CDH12: variants seen among roughly 807,000 people sequenced by gnomAD.
CDH12 encodes cadherin-12.
Under a neutral mutation model 74.1 loss-of-function variants are expected in CDH12, and 41 were observed. The ratio of observed to expected loss-of-function variants is 0.55; its 90% CI spans 0.43 to 0.72. CDH12 has a LOEUF of 0.72. Ranked by LOEUF, CDH12 falls within the 30% of genes least tolerant of loss-of-function variation. The probability of loss-of-function intolerance (pLI) is 0.00; values close to 1 mark genes in which losing one functional copy is unlikely to be tolerated. For missense variants in CDH12, 945 were observed against 977.2 expected (o/e 0.97, Z 0.44); for synonymous variants, 399 against 355.0 (o/e 1.12, Z -1.39).
chr5:21,929,123 T>C (rs1355483352), intron 6 of CDH12, among the ~76,000 whole-genome samples: 2 of 152,006 alleles, frequency 1.3e-5, no homozygotes, highest in East Asian at 1.9e-4. Context: ...AATTGGGCTG[T>C]AGGAATGTAC....
chr5:22,846,347 A>G lies in CDH12; in HGVS notation c.-523+6711T>C, dbSNP rs191486155. On this transcript the variant is annotated intron_variant, in intron 1 of 14. Transcript: ENST00000382254. The stretch of plus-strand genomic sequence containing the variant: ...GAAGTAAAGGCATAGATTTGGAAAA[A>G]GCATCCAGATGGCATTTAAACCCAT... Among the ~76,000 whole-genome samples the G allele has an allele frequency of 2.0e-5, 3 of 152,284 alleles. No individual in the cohort carries two copies. In the East Asian group the frequency reaches 5.8e-4, roughly 29 times the overall value.
At chr5:21,949,887 AAAG>A (rs1183069232) in intron 6 of CDH12, among the ~76,000 whole-genome samples, 3 of 152,210 alleles carry the variant, frequency 2.0e-5, no homozygotes, top group Non-Finnish European at 4.4e-5. Context: ...ATTTTGAAAG[AAAG>A]AAGTTTTTTT....
chr5:21,788,617 C>G (rs912651444), intron 10 of CDH12, among the ~76,000 whole-genome samples: 3 of 151,984 alleles, frequency 2.0e-5, no homozygotes, highest in South Asian at 2.1e-4. Flanking sequence ...TAAAATATTT[C>G]AGATGTATAA....
At chr5:22,461,266 C>G (rs2136217) in intron 2 of CDH12, among the ~76,000 whole-genome samples, 73,977 of 151,422 alleles carry the variant, frequency 0.49, 18,465 homozygotes, top group Admixed American at 0.65. Flanking sequence ...GACCTCAAGT[C>G]ATTCACCTGC....
At chr5:21,984,232 G>C (rs1757424566) in intron 5 of CDH12, among the ~76,000 whole-genome samples, 1 of 152,022 alleles carries the variant, frequency 6.6e-6, no homozygotes, top group Non-Finnish European at 1.5e-5. Context: ...TTCGGTTGGG[G>C]GTGTTCTAAG....
chr5:22,830,384 C>A (rs1386195627), intron 1 of CDH12, among the ~76,000 whole-genome samples: 1 of 151,922 alleles, frequency 6.6e-6, no homozygotes, highest in East Asian at 1.9e-4. Context: ...AATTTCATTA[C>A]AGCATAGTTC....
intron 1 of CDH12, among the ~76,000 whole-genome samples, chr5:22,587,166 C>A (rs866649366): frequency 3.3e-5 from 5 of 151,932 alleles, no homozygotes; most frequent in Middle Eastern, 3.4e-3. Flanking sequence ...GTAATTAGAT[C>A]GTGAGGGCTC....
In CDH12 at chr5:22,665,593, C is replaced by A. The variant is rs1740573160; in HGVS notation, c.-522-160229G>T. ...TAAACCTTCCTCATCTTAGTAAAAA[C>A]TTTCTTATATTCTTATTGAATATCT... is the stretch of plus-strand genomic sequence containing the variant. On this transcript the variant is annotated intron_variant, in intron 1 of 14. Transcript: ENST00000382254. Among the ~76,000 whole-genome samples, 4 of 152,262 alleles carry A rather than the reference C, an allele frequency of 2.6e-5. No homozygotes were observed. In the South Asian group the frequency reaches 8.3e-4, roughly 32 times the overall value.
intron 1 of CDH12, among the ~76,000 whole-genome samples, chr5:22,642,097 T>C (rs376152085): frequency 5.3e-5 from 8 of 152,324 alleles, no homozygotes; most frequent in African/African-American, 1.9e-4. Context: ...GGAATATACA[T>C]CAGTAATAGA....
intron 1 of CDH12, among the ~76,000 whole-genome samples, chr5:22,782,352 G>T (rs1251196076): frequency 1.3e-5 from 2 of 152,094 alleles, no homozygotes; most frequent in Admixed American, 1.3e-4. Flanking sequence ...TCATGGGGGT[G>T]GTTTCCCCCG....
chr5:22,025,473 A>G (rs1455490961), intron 5 of CDH12, among the ~76,000 whole-genome samples: 1 of 152,192 alleles, frequency 6.6e-6, no homozygotes, highest in Non-Finnish European at 1.5e-5. Flanking sequence ...AATTCCTAAA[A>G]AAATGCTAAT....
chr5:21,845,715 C>T (rs1451354300), intron 7 of CDH12, among the ~76,000 whole-genome samples: 1 of 152,048 alleles, frequency 6.6e-6, no homozygotes, highest in Non-Finnish European at 1.5e-5. Context: ...CAGAAAGCCA[C>T]TTTAGGACAG....
At chr5:22,411,826 T>G (rs561865025) in intron 2 of CDH12, among the ~76,000 whole-genome samples, 1 of 152,158 alleles carries the variant, frequency 6.6e-6, no homozygotes, top group South Asian at 2.1e-4. Context: ...TTTGTGTGAA[T>G]TTTTATGAAT....
At chr5:22,310,186 C>T (rs984790913) in intron 3 of CDH12, among the ~76,000 whole-genome samples, 5 of 151,950 alleles carry the variant, frequency 3.3e-5, no homozygotes, top group African/African-American at 4.8e-5. Flanking sequence ...ACAGGCCAAG[C>T]GCGGTGGTTC....
intron 14 of CDH12, among the ~76,000 whole-genome samples, chr5:21,755,041 G>A (rs561746328): frequency 2.0e-5 from 3 of 152,182 alleles, no homozygotes; most frequent in Non-Finnish European, 4.4e-5. Context: ...GCAAGAAAGT[G>A]GAAGAATTAC....
intron 9 of CDH12, among the ~76,000 whole-genome samples, chr5:21,812,345 C>T (rs1266530344): frequency 6.6e-6 from 1 of 151,998 alleles, no homozygotes; most frequent in East Asian, 1.9e-4. Context: ...GATTTTATAT[C>T]AGAATTCTTG....
At chr5:22,734,359 C>T (rs796163545) in intron 1 of CDH12, among the ~76,000 whole-genome samples, 29 of 151,764 alleles carry the variant, frequency 1.9e-4, no homozygotes, top group African/African-American at 7.0e-4. Flanking sequence ...AAAAAAAATG[C>T]AAAAAAGTTA....
At chr5:22,259,344 CAT>C (rs1429279696) in intron 3 of CDH12, among the ~76,000 whole-genome samples, 1 of 151,876 alleles carries the variant, frequency 6.6e-6, no homozygotes, top group South Asian at 2.1e-4. Flanking sequence ...TTTAAAAAAA[CAT>C]ATATTATTGT....
chr5:21,765,875 T>C (rs1744996345), intron 11 of CDH12, among the ~76,000 whole-genome samples: 1 of 152,032 alleles, frequency 6.6e-6, no homozygotes, highest in African/African-American at 2.4e-5. Flanking sequence ...ATGCACCTGT[T>C]TGAACTTGTG....
Sources: gnomAD v4.1 joint callset for allele counts (sites outside exome capture counted in the v4.1 genomes callset) on GRCh38, gnomAD v4.1.1 for gene constraint, MANE v1.5 for transcripts, NCBI Gene and HGNC (gene_info 2026-07-23, HGNC 2026-07-21) for gene names.